The following ADGRG6 variants were observed in gnomAD, a reference collection of about 807,000 sequenced individuals.
ADGRG6 encodes the protein G-protein coupled receptor 126.
A neutral mutation model predicts 142.4 loss-of-function variants in ADGRG6; 84 were observed. That is an observed-to-expected ratio of 0.59 (90% CI 0.49 to 0.71). The LOEUF (loss-of-function observed/expected upper bound fraction) is 0.71, where lower values mean the gene tolerates loss of function less well. Among genes scored for constraint, ADGRG6 ranks in the 30% least tolerant of loss-of-function variants. ADGRG6 has a pLI of 0.00. For synonymous variants in ADGRG6, 521 were observed against 520.5 expected (o/e 1.00, Z -0.01); for missense variants, 1,367 against 1,466.6 (o/e 0.93, Z 1.11).
intron 10 of ADGRG6, among the ~76,000 whole-genome samples, chr6:142,398,826 A>G (rs1330956540): frequency 3.3e-5 from 5 of 152,186 alleles, no homozygotes; most frequent in African/African-American, 9.7e-5. Context: ...GCATCAGAAG[A>G]CCATAGTACT....
intron 2 of ADGRG6, among the ~76,000 whole-genome samples, chr6:142,365,707 G>T (rs925762730): frequency 6.6e-6 from 1 of 152,092 alleles, no homozygotes; most frequent in East Asian, 1.9e-4. Flanking sequence ...CAGGAGGAGG[G>T]CAAGTTAAAA....
intron 2 of ADGRG6, among the ~76,000 whole-genome samples, chr6:142,322,560 C>T (rs1007919081): frequency 6.6e-6 from 1 of 152,058 alleles, no homozygotes; most frequent in Non-Finnish European, 1.5e-5. Context: ...GGCTCTTTTC[C>T]TTGAGAGCTT....
At chr6:142,338,013 C>CTTTGTTTTTTTTTTTTTGTTTG (rs1779408535) in intron 2 of ADGRG6, among the ~76,000 whole-genome samples, 5 of 26,038 alleles carry the variant, frequency 1.9e-4, no homozygotes, top group African/African-American at 9.0e-4. Context: ...TGCCTTGTAT[C>CTTTGTTTTTTTTTTTTTGTTTG]TTTGTTTTTT....
At chr6:142,380,146 A>G (rs1781698058) in intron 4 of ADGRG6, among the ~76,000 whole-genome samples, 1 of 152,184 alleles carries the variant, frequency 6.6e-6, no homozygotes. Context: ...GTGGATACCA[A>G]GATTTTTTCA....
intron 22 of ADGRG6, among the ~76,000 whole-genome samples, chr6:142,436,029 C>G (rs1007061207): frequency 4.6e-5 from 7 of 152,062 alleles, no homozygotes; most frequent in African/African-American, 1.4e-4. Context: ...GACTTCTGTT[C>G]AGGACATCTG....
At chr6:142,411,438 T>G in intron 18 of ADGRG6, 27 bp downstream of exon 18, 1 of 1,128,618 alleles carries the variant, frequency 8.9e-7, no homozygotes, top group South Asian at 1.2e-5. Flanking sequence ...TAAGCTCATT[T>G]TGACATGCTG....
At chr6:142,419,547 A>C (rs529715957) in intron 21 of ADGRG6, among the ~76,000 whole-genome samples, 1 of 152,286 alleles carries the variant, frequency 6.6e-6, no homozygotes, top group East Asian at 1.9e-4. Context: ...GTCAGCCAAG[A>C]GTGTTTTCAT....
intron 9 of ADGRG6, among the ~76,000 whole-genome samples, chr6:142,395,766 T>G (rs1775154477): frequency 6.6e-6 from 1 of 152,202 alleles, no homozygotes; most frequent in African/African-American, 2.4e-5. Context: ...TTACCCTCAT[T>G]GGTGAGGCTT....
chr6:142,348,122 G>A (rs1779994067), intron 2 of ADGRG6, among the ~76,000 whole-genome samples: 1 of 152,118 alleles, frequency 6.6e-6, no homozygotes, highest in African/African-American at 2.4e-5. Flanking sequence ...TTAGCTGCAT[G>A]GTAATGGGGT....
chr6:142,341,406 TATTATATAATATA>T (rs1452892923), intron 2 of ADGRG6, among the ~76,000 whole-genome samples: 6 of 122,636 alleles, frequency 4.9e-5, no homozygotes, highest in Non-Finnish European at 8.1e-5. Flanking sequence ...TTATATAATA[TATTATATAATATA>T]ATTATATAAT....
At chr6:142,422,773 T>G in intron 22 of ADGRG6, among the ~76,000 whole-genome samples, 1 of 147,458 alleles carries the variant, frequency 6.8e-6, no homozygotes, top group East Asian at 2.0e-4. Context: ...TAGTTTACAG[T>G]CCCACCAACA....
At chr6:142,417,900 A>G (rs1026801038) in intron 21 of ADGRG6, among the ~76,000 whole-genome samples, 3 of 152,168 alleles carry the variant, frequency 2.0e-5, no homozygotes, top group Admixed American at 6.6e-5. Flanking sequence ...TGGGTACTCA[A>G]TAAATATATG....
chr6:142,379,446 C>T (rs113128020), intron 4 of ADGRG6, among the ~76,000 whole-genome samples: 10 of 152,230 alleles, frequency 6.6e-5, no homozygotes, highest in African/African-American at 2.4e-4. Flanking sequence ...ACTTGCCTAC[C>T]TCCTCATTTT....
chr6:142,309,745 C>CTTTTTTTTTTTT (rs66489806), intron 2 of ADGRG6, 101 bp downstream of exon 2: 1 of 451,254 alleles, frequency 2.2e-6, no homozygotes. Context: ...TACTTACTGC[C>CTTTTTTTTTTTT]TTTTTTTTTT....
chr6:142,390,824 G>C lies in ADGRG6; in HGVS notation c.1308+481G>C, dbSNP rs531377334. 2.6e-5 allele frequency among the ~76,000 whole-genome samples: 4 copies of C among 151,766 alleles called. No homozygotes were observed. The South Asian group carries it at 8.3e-4, about 32-fold the overall frequency. On this transcript the variant is annotated intron_variant, in intron 7 of 24. Coordinates refer to ENST00000367609, the MANE Select transcript of ADGRG6 (RefSeq NM_198569.3). ...TATTAGTTTTCTCCGCTTTTTTCCAGATTTCTTTGTGCACATGAAAGAAAA... is the reference window on the plus strand; with the variant it reads ...TATTAGTTTTCTCCGCTTTTTTCCACATTTCTTTGTGCACATGAAAGAAAA...
At position 142,445,839 on chromosome 6, in the gene ADGRG6, C is replaced by T. The variant is rs1582707465; in HGVS notation, c.*2324C>T. Reference sequence around the variant, plus strand: ...TCAGACTCTCTTTTCATTATGTTTTCTTTTCTTTTTCCCTCTTTTTAAACT... The same window carrying T: ...TCAGACTCTCTTTTCATTATGTTTTTTTTTCTTTTTCCCTCTTTTTAAACT... On this transcript the variant is annotated 3_prime_UTR_variant, in exon 25 of 25. Coordinates refer to ENST00000367609, the MANE Select transcript of ADGRG6 (RefSeq NM_198569.3). The T allele has an allele frequency of 6.6e-6, 1 of 152,104 alleles. No homozygotes were observed. The highest frequency in any genetic ancestry group is 6.6e-5 in the Admixed American group (1 of 15,266). 9.4% of individuals were successfully genotyped at this position (152,104 alleles called of 1,614,324 possible). A position where few individuals can be genotyped will look rare whatever the true frequency, so the allele number is the denominator to read the frequency against.
intron 2 of ADGRG6, among the ~76,000 whole-genome samples, chr6:142,345,082 C>T (rs189339033): frequency 6.6e-6 from 1 of 152,074 alleles, no homozygotes; most frequent in East Asian, 1.9e-4. Flanking sequence ...ATATTGTTGC[C>T]TGTGAAAGTC....
At chr6:142,348,094 T>C (rs1779992269) in intron 2 of ADGRG6, among the ~76,000 whole-genome samples, 1 of 152,202 alleles carries the variant, frequency 6.6e-6, no homozygotes, top group Non-Finnish European at 1.5e-5. Context: ...TTTTTGTGGT[T>C]GGATTTTTCT....
chr6:142,426,267 C>T (rs891941971), intron 22 of ADGRG6, among the ~76,000 whole-genome samples: 3 of 152,162 alleles, frequency 2.0e-5, no homozygotes, highest in African/African-American at 7.2e-5. Context: ...TTCCTAGATA[C>T]AATGGGGGTA....
Sources: allele counts gnomAD v4.1 joint callset (sites outside exome capture counted in the v4.1 genomes callset), GRCh38; gene constraint gnomAD v4.1.1; transcripts MANE v1.5; gene names NCBI Gene and HGNC (gene_info 2026-07-23, HGNC 2026-07-21).